LRRC4C: variants seen among roughly 807,000 people sequenced by gnomAD.
LRRC4C encodes the protein leucine-rich repeat-containing protein 4C.
Under a neutral mutation model 33.6 loss-of-function variants are expected in LRRC4C, and 5 were observed. The ratio of observed to expected loss-of-function variants is 0.15; its 90% CI spans 0.08 to 0.31. The LOEUF (loss-of-function observed/expected upper bound fraction) is 0.31. Among genes scored for constraint, LRRC4C ranks in the 10% least tolerant of loss-of-function variants. The pLI is 1.00. For missense variants in LRRC4C, 560 were observed against 796.7 expected, an observed-to-expected ratio of 0.70 and a Z score of 3.58; for synonymous variants, 329 against 302.0, an observed-to-expected ratio of 1.09 and a Z score of -0.93.
intron 1 of LRRC4C, among the ~76,000 whole-genome samples, chr11:41,120,482 A>C (rs182058126): frequency 6.6e-6 from 1 of 152,168 alleles, no homozygotes; most frequent in Non-Finnish European, 1.5e-5. Flanking sequence ...GAACTTGGCC[A>C]GTGGAGGCAC....
chr11:40,753,193 A>G (rs749526286), intron 2 of LRRC4C, among the ~76,000 whole-genome samples: 6 of 152,040 alleles, frequency 3.9e-5, no homozygotes, highest in Admixed American at 1.3e-4. Flanking sequence ...ACAAACTTAC[A>G]GAGATAATAG....
chr11:41,393,749 T>G (rs887325396), intron 1 of LRRC4C, among the ~76,000 whole-genome samples: 1 of 151,956 alleles, frequency 6.6e-6, no homozygotes, highest in African/African-American at 2.4e-5. Flanking sequence ...ACATTTATAC[T>G]TTATGCTACA....
At chr11:41,163,657 G>T (rs1944584960) in intron 1 of LRRC4C, among the ~76,000 whole-genome samples, 1 of 151,628 alleles carries the variant, frequency 6.6e-6, no homozygotes, top group Non-Finnish European at 1.5e-5. Flanking sequence ...TGTTGCCCAG[G>T]CTGGAGTGCA....
intron 3 of LRRC4C, among the ~76,000 whole-genome samples, chr11:40,641,493 CTAT>C (rs1942118052): frequency 6.6e-6 from 1 of 152,132 alleles, no homozygotes; most frequent in African/African-American, 2.4e-5. Flanking sequence ...CAGAATTTTA[CTAT>C]TATTATTAAT....
intron 1 of LRRC4C, among the ~76,000 whole-genome samples, chr11:41,129,059 G>T (rs1023235893): frequency 1.3e-5 from 2 of 151,916 alleles, no homozygotes; most frequent in African/African-American, 4.8e-5. Flanking sequence ...CCTGACAAAT[G>T]CTCTGAGGTG....
At chr11:41,450,501 G>C (rs1955983005) in intron 1 of LRRC4C, among the ~76,000 whole-genome samples, 1 of 152,104 alleles carries the variant, frequency 6.6e-6, no homozygotes, top group Admixed American at 6.6e-5. Context: ...AGGCACCAGG[G>C]CTTTGTAGAC....
At chr11:40,382,958 A>G (rs7929029) in intron 3 of LRRC4C, among the ~76,000 whole-genome samples, 59,535 of 151,574 alleles carry the variant, frequency 0.39, 11,864 homozygotes, top group East Asian at 0.49. Flanking sequence ...CTCCCAAAGT[A>G]CTGGGATTAC....
intron 2 of LRRC4C, among the ~76,000 whole-genome samples, chr11:40,892,878 T>C (rs978436656): frequency 3.3e-5 from 5 of 152,214 alleles, no homozygotes; most frequent in Non-Finnish European, 5.9e-5. Context: ...TGTTACACAA[T>C]ATTATAATGT....
At chr11:41,091,026 A>G (rs913938748) in intron 1 of LRRC4C, among the ~76,000 whole-genome samples, 4 of 152,142 alleles carry the variant, frequency 2.6e-5, no homozygotes, top group Admixed American at 2.0e-4. Flanking sequence ...AAAAGCATTG[A>G]ATGAGCAGCT....
intron 1 of LRRC4C, among the ~76,000 whole-genome samples, chr11:41,232,747 GACACACACACACACAC>G (rs34632647): frequency 7.0e-6 from 1 of 143,540 alleles, no homozygotes; most frequent in Non-Finnish European, 1.5e-5. Flanking sequence ...GTGTTATCAA[GACACACACACACACAC>G]ACACACACAC....
At chr11:41,210,739 G>A (rs1048864951) in intron 1 of LRRC4C, among the ~76,000 whole-genome samples, 2 of 152,110 alleles carry the variant, frequency 1.3e-5, no homozygotes, top group South Asian at 2.1e-4. Flanking sequence ...GAGCTTCAAA[G>A]TCTGTGGAAA....
chr11:41,355,472 A>T (rs1952128069), intron 1 of LRRC4C, among the ~76,000 whole-genome samples: 2 of 152,110 alleles, frequency 1.3e-5, no homozygotes, highest in Non-Finnish European at 2.9e-5. Flanking sequence ...ACTAAAAGTG[A>T]TTATAATATA....
chr11:40,148,288 A>C (rs1294611998), intron 5 of LRRC4C, among the ~76,000 whole-genome samples: 1 of 152,210 alleles, frequency 6.6e-6, no homozygotes, highest in Non-Finnish European at 1.5e-5. Flanking sequence ...GAGCTAATGT[A>C]CACTCCTACC....
At chr11:40,128,275 C>A (rs915417761) in intron 6 of LRRC4C, among the ~76,000 whole-genome samples, 1 of 152,196 alleles carries the variant, frequency 6.6e-6, no homozygotes, top group African/African-American at 2.4e-5. Context: ...TACCATGTGA[C>A]CAGTTGCACA....
At chr11:41,401,613 G>T (rs1466526188) in intron 1 of LRRC4C, among the ~76,000 whole-genome samples, 1 of 151,890 alleles carries the variant, frequency 6.6e-6, no homozygotes, top group Non-Finnish European at 1.5e-5. Context: ...CAGTAAGAGT[G>T]GAGTAATAAA....
chr11:41,015,964 C>T (rs1246795365), intron 1 of LRRC4C, among the ~76,000 whole-genome samples: 1 of 151,984 alleles, frequency 6.6e-6, no homozygotes, highest in Non-Finnish European at 1.5e-5. Flanking sequence ...CACTCCAGCC[C>T]GGGCGAGCTG....
intron 4 of LRRC4C, among the ~76,000 whole-genome samples, chr11:40,268,300 A>G (rs1044130792): frequency 1.3e-5 from 2 of 152,166 alleles, no homozygotes; most frequent in Non-Finnish European, 2.9e-5. Flanking sequence ...GCAGCTAAAG[A>G]CACTTCAAAG....
chr11:41,257,061 A>G (rs1457721969), intron 1 of LRRC4C, among the ~76,000 whole-genome samples: 1 of 151,976 alleles, frequency 6.6e-6, no homozygotes, highest in Non-Finnish European at 1.5e-5. Context: ...TAAATATCAA[A>G]CAACCAAACC....
intron 1 of LRRC4C, among the ~76,000 whole-genome samples, chr11:40,941,710 T>C (rs1369554651): frequency 6.6e-6 from 1 of 152,184 alleles, no homozygotes; most frequent in Non-Finnish European, 1.5e-5. Context: ...GAGAAAATCA[T>C]ACTTTGAGCA....
Sources: allele counts gnomAD v4.1 joint callset (sites outside exome capture counted in the v4.1 genomes callset), GRCh38; gene constraint gnomAD v4.1.1; transcripts MANE v1.5; gene names NCBI Gene and HGNC (gene_info 2026-07-23, HGNC 2026-07-21).